The following SORL1 variants were observed in gnomAD, a reference collection of about 807,000 sequenced individuals.
The protein encoded by SORL1 is sortilin related receptor 1.
Under a neutral mutation model 273.7 loss-of-function variants are expected in SORL1, and 127 were observed. The observed-to-expected ratio is 0.46, with a 90% CI of 0.40 to 0.54. SORL1 has a LOEUF of 0.54. Among genes scored for constraint, SORL1 ranks in the 20% least tolerant of loss-of-function variants. The pLI is 0.00. For synonymous variants in SORL1, 1,031 were observed against 1,067.4 expected (o/e 0.97, Z 0.66); for missense variants, 2,494 against 2,846.1 (o/e 0.88, Z 2.81).
At chr11:121,629,470 C>T in intron 47 of SORL1, 26 bp from the exon 48 acceptor site, 1 of 1,342,502 alleles carries the variant, frequency 7.4e-7, no homozygotes, top group African/African-American at 1.4e-5. Flanking sequence ...TTGGAACTCA[C>T]CAAGGCCTGA....
At position 121,452,999 on chromosome 11, in the gene SORL1, TAC is replaced by T; in HGVS notation, c.285+387_285+388del. The T allele has an allele frequency of 5.3e-6, 1 of 189,368 alleles. No homozygotes were observed. The highest frequency in any genetic ancestry group is 1.1e-5 in the Non-Finnish European group (1 of 92,568). The allele number at this position is 189,368 out of a possible 1,614,324, so 11.7% of individuals were successfully genotyped here. A position where few individuals can be genotyped will look rare whatever the true frequency, so the allele number is the denominator to read the frequency against. ...GAGCACCCTGCAGTTGCGGTACACT[TAC>T]ACAGAACAGCACGAGGTGGGGGTTT... On this transcript the variant is annotated intron_variant, in intron 1 of 47. Transcript: ENST00000260197. The surrounding 1 kb of genome is among the most constrained non-coding windows in gnomAD (Gnocchi z 5.3).
At chr11:121,481,243 TCTCCTC>T (rs1441434806) in intron 3 of SORL1, among the ~76,000 whole-genome samples, 2 of 105,634 alleles carry the variant, frequency 1.9e-5, no homozygotes, top group Non-Finnish European at 3.8e-5. Context: ...GCAAGCTCCA[TCTCCTC>T]CTCCCCAGCT....
At chr11:121,559,731 TCA>T (rs1317063406) in intron 21 of SORL1, 74 bp downstream of exon 21, 1 of 1,435,202 alleles carries the variant, frequency 7.0e-7, no homozygotes, top group African/African-American at 1.4e-5. Context: ...CAATCTCTGC[TCA>T]GAGTAGGAGC....
At chr11:121,479,472 T>C (rs1244328177) in intron 3 of SORL1, among the ~76,000 whole-genome samples, 1 of 152,224 alleles carries the variant, frequency 6.6e-6, no homozygotes, top group Non-Finnish European at 1.5e-5. Context: ...TAGTCCTGGC[T>C]TCTCAGGTTG....
At chr11:121,455,860 G>A (rs1860894374) in intron 1 of SORL1, among the ~76,000 whole-genome samples, 1 of 152,184 alleles carries the variant, frequency 6.6e-6, no homozygotes, top group South Asian at 2.1e-4. Flanking sequence ...GGGCGTGGTG[G>A]CAGATGCCTG....
At chr11:121,502,018 C>T (rs1428911388) in intron 6 of SORL1, among the ~76,000 whole-genome samples, 1 of 150,152 alleles carries the variant, frequency 6.7e-6, no homozygotes, top group Non-Finnish European at 1.5e-5. Context: ...TTTACTGTTA[C>T]AAACAGTGCT....
At chr11:121,460,996 G>A (rs1383228831) in intron 1 of SORL1, among the ~76,000 whole-genome samples, 1 of 152,154 alleles carries the variant, frequency 6.6e-6, no homozygotes, top group African/African-American at 2.4e-5. Flanking sequence ...CAGCCAAGGA[G>A]CCCGAGATGG....
chr11:121,523,894 C>A (rs1232791006), intron 11 of SORL1, among the ~76,000 whole-genome samples: 1 of 152,210 alleles, frequency 6.6e-6, no homozygotes, highest in Non-Finnish European at 1.5e-5. Flanking sequence ...ATGCACCATG[C>A]TCACCTTGAT....
intron 1 of SORL1, among the ~76,000 whole-genome samples, chr11:121,469,749 G>A (rs1861141536): frequency 6.6e-6 from 1 of 152,188 alleles, no homozygotes; most frequent in African/African-American, 2.4e-5. Context: ...AAAGGAATTG[G>A]TTATGCCAAT....
rs1862216953 is a variant in SORL1 at position 121,532,546 on chromosome 11, A to G, written c.1679A>G (p.Glu560Gly). 1 of 1,614,010 alleles carries G rather than the reference A, an allele frequency of 6.2e-7. No individual in the cohort carries two copies. The highest frequency in any genetic ancestry group is 8.5e-7 in the Non-Finnish European group (1 of 1,179,876). Residue 560 changes from glutamate to glycine, a missense_variant, in exon 12 of 48, where the codon GAG (glutamate) becomes GGG (glycine). Glu to Gly is a moderately conservative substitution (Grantham distance 98). Transcript: ENST00000260197. ...ATTGCCCAGGGCATGGAAACCAACG[A>G]GCTAAAGTAAGTGTCTCTGATGAGG... ...TAIAQGMETN[E>G]LKYSTNEGET...
At chr11:121,591,198 G>A in intron 31 of SORL1, 42 bp downstream of exon 31, 1 of 1,606,324 alleles carries the variant, frequency 6.2e-7, no homozygotes. Context: ...ACCTGCTATT[G>A]TGGAGAGGAC....
chr11:121,608,361 C>A (rs1357905243), intron 38 of SORL1, 185 bp downstream of exon 38: 1 of 582,044 alleles, frequency 1.7e-6, no homozygotes, highest in Non-Finnish European at 3.0e-6. Context: ...TTTGGGGTGA[C>A]TGAGTGTCTT....
intron 3 of SORL1, among the ~76,000 whole-genome samples, chr11:121,480,250 A>G (rs188404476): frequency 2.0e-5 from 3 of 152,296 alleles, no homozygotes; most frequent in Admixed American, 2.0e-4. Context: ...TAAACAATGT[A>G]TGTATGTTTT....
At chr11:121,569,574 T>C (rs1862806492) in intron 22 of SORL1, among the ~76,000 whole-genome samples, 1 of 152,230 alleles carries the variant, frequency 6.6e-6, no homozygotes, top group Non-Finnish European at 1.5e-5. Flanking sequence ...CAGTCTCCTG[T>C]AGTGCTCCTA....
chr11:121,480,711 T>C (rs1280056720), intron 3 of SORL1, among the ~76,000 whole-genome samples: 1 of 143,652 alleles, frequency 7.0e-6, no homozygotes, highest in South Asian at 2.2e-4. Flanking sequence ...CATCTCCTCC[T>C]CCCCAGCTCC....
At chr11:121,623,030 C>T (rs530357823) in intron 45 of SORL1, among the ~76,000 whole-genome samples, 11 of 152,352 alleles carry the variant, frequency 7.2e-5, no homozygotes, top group African/African-American at 2.4e-4. Context: ...TTGGAAAATT[C>T]TCACCACACA....
chr11:121,607,587 C>T (rs567283877), intron 37 of SORL1, among the ~76,000 whole-genome samples: 11 of 152,308 alleles, frequency 7.2e-5, no homozygotes, highest in Admixed American at 6.5e-4. Flanking sequence ...CTTTTGCAGT[C>T]AGCTCTTTCC....
rs1208327318 is a variant in SORL1 at position 121,627,569 on chromosome 11, G to A, written c.6379G>A (p.Ala2127Thr). 1.2e-6 allele frequency: 2 copies of A among 1,614,146 alleles called. No individual in the cohort carries two copies. The highest frequency in any genetic ancestry group is 1.7e-5 in the Admixed American group (1 of 60,036). The change falls in exon 47 of 48, where the codon GCA (alanine) becomes ACA (threonine). Residue 2127 changes from alanine (A) to threonine (T), a missense_variant. Ala to Thr is a moderately conservative substitution (Grantham distance 58). This residue lies in a region of SORL1 where 1,609 missense variants were observed against 1,816.4 expected (regional missense o/e 0.89). Coordinates refer to ENST00000260197, the MANE Select transcript of SORL1 (RefSeq NM_003105.6). This position sits in a 1 kb window ranked among gnomAD's most constrained non-coding sequence, Gnocchi z 4.9. ...TGCCTTGGCAGGTGCAGATGCATCT[G>A]CAACGCAGGCTGCCAGATCTACGGA... ...DELGSGADAS[A>T]TQAARSTDVA...
At chr11:121,592,974 A>G (rs1416970193) in intron 31 of SORL1, among the ~76,000 whole-genome samples, 1 of 152,176 alleles carries the variant, frequency 6.6e-6, no homozygotes, top group Non-Finnish European at 1.5e-5. Context: ...TGCTGGGACA[A>G]ATTTAAACTC....
Sources: allele counts gnomAD v4.1 joint callset (sites outside exome capture counted in the v4.1 genomes callset), GRCh38; gene constraint gnomAD v4.1.1; regional missense constraint gnomAD v4.1.1; non-coding constraint Gnocchi (gnomAD v3.1); transcripts MANE v1.5; gene names NCBI Gene and HGNC (gene_info 2026-07-23, HGNC 2026-07-21).